The following SYNE3 variants were observed in gnomAD, a reference collection of about 807,000 sequenced individuals.
The protein encoded by SYNE3 is spectrin repeat containing nuclear envelope family member 3.
In SYNE3, 100 loss-of-function variants were observed where a neutral mutation model predicts 111.2. That is an observed-to-expected ratio of 0.90 (90% CI 0.77 to 1.06). The LOEUF is 1.06. Ranked by LOEUF, SYNE3 falls within the 50% of genes least tolerant of loss-of-function variation. SYNE3 has a pLI of 0.00. For missense variants in SYNE3, 1,160 were observed against 1,240.3 expected (o/e 0.94, Z 0.97); for synonymous variants, 547 against 533.9 (o/e 1.02, Z -0.34).
chr14:95,480,878 C>A (rs565992052), intron 1 of SYNE3, among the ~76,000 whole-genome samples: 1 of 152,236 alleles, frequency 6.6e-6, no homozygotes, highest in African/African-American at 2.4e-5. Context: ...CCTGGCATCC[C>A]GGTCTGAAAG....
At position 95,450,072 on chromosome 14, in the gene SYNE3, G is replaced by A. The variant is rs1303666861; in HGVS notation, c.1308C>T (p.Ala436=). 9 of 1,574,238 alleles carry A rather than the reference G, an allele frequency of 5.7e-6. No individual in the cohort carries two copies. The highest frequency in any genetic ancestry group is 5.5e-5 in the Admixed American group (3 of 54,880). ...AATGCTGCCACAGCTCCACCGCCGC[G>A]GCATTGCGCAGCCTCGCGCTCTTCA... ...LKVKSARLRN[A]AAVELWQHFQ... The change falls in exon 8 of 18, where the codon GCC becomes GCT. Residue 436 remains alanine, a synonymous_variant. Transcript: ENST00000682763.
At chr14:95,472,738 A>G (rs965509439) in intron 2 of SYNE3, among the ~76,000 whole-genome samples, 5 of 152,138 alleles carry the variant, frequency 3.3e-5, no homozygotes, top group African/African-American at 7.2e-5. Context: ...CTCTCAACCC[A>G]GGAGCGATGG....
intron 2 of SYNE3, among the ~76,000 whole-genome samples, chr14:95,471,937 T>C (rs1888556062): frequency 6.6e-6 from 1 of 152,160 alleles, no homozygotes; most frequent in Non-Finnish European, 1.5e-5. Flanking sequence ...CAAGACCAGG[T>C]GACCCCCAGC....
chr14:95,436,666 T>C (rs1224393915), intron 15 of SYNE3, among the ~76,000 whole-genome samples, 154 bp downstream of exon 15: 2 of 152,148 alleles, frequency 1.3e-5, no homozygotes, highest in Non-Finnish European at 2.9e-5. Flanking sequence ...TTCTAAAATC[T>C]TTGAACCAAA....
intron 17 of SYNE3, among the ~76,000 whole-genome samples, 189 bp from the exon 18 acceptor site, chr14:95,418,215 T>A (rs540469515): frequency 3.5e-4 from 54 of 152,270 alleles, no homozygotes; most frequent in African/African-American, 1.2e-3. Context: ...TTTCTGCAGT[T>A]TTCCCAAAGC....
chr14:95,503,275 C>T (rs1016867400), intron 1 of SYNE3, among the ~76,000 whole-genome samples: 1 of 152,234 alleles, frequency 6.6e-6, no homozygotes, highest in Admixed American at 6.5e-5. Flanking sequence ...GCATTGCCAT[C>T]CACCCCTTTG....
chr14:95,504,422 G>A (rs17092600), intron 1 of SYNE3, among the ~76,000 whole-genome samples: 6,540 of 152,314 alleles, frequency 0.043, 346 homozygotes, highest in Admixed American at 0.15. Context: ...TCAGCAAACT[G>A]TGACACAATC....
chr14:95,439,249 C>T (rs764929623), intron 13 of SYNE3, 87 bp from the exon 14 acceptor site: 42 of 1,579,722 alleles, frequency 2.7e-5, no homozygotes, highest in African/African-American at 8.1e-5. Context: ...TGGGGAACCA[C>T]GGGTCACGAG....
At chr14:95,506,466 C>A (rs1241408874) in intron 1 of SYNE3, among the ~76,000 whole-genome samples, 3 of 152,238 alleles carry the variant, frequency 2.0e-5, no homozygotes, top group African/African-American at 7.2e-5. Flanking sequence ...TCGACTCTGG[C>A]CCATCATGCC....
chr14:95,482,968 G>T (rs531286249), intron 1 of SYNE3, among the ~76,000 whole-genome samples: 1 of 152,116 alleles, frequency 6.6e-6, no homozygotes, highest in African/African-American at 2.4e-5. Flanking sequence ...AAATCCCCTG[G>T]TGCCACACAG....
At chr14:95,418,051 G>A (rs1013644157) in intron 17 of SYNE3, 25 bp from the exon 18 acceptor site, 1 of 1,603,722 alleles carries the variant, frequency 6.2e-7, no homozygotes, top group Non-Finnish European at 8.5e-7. Flanking sequence ...CAGCACAGGT[G>A]AGTGGGCTGG....
In SYNE3 at chr14:95,443,206, G is replaced by A. The variant is rs539126470; in HGVS notation, c.1860C>T (p.His620=). ...PLVQENPNHQ[H]KMDQLSSDFQ... ...AGTCGGAGGAAAGCTGGTCCATTTT[G>A]TGCTGGTGGTTGGGGTTCTCCTGGA... Residue 620 remains histidine (H), a synonymous_variant, in exon 11 of 18, where the codon CAC becomes CAT. Coordinates refer to ENST00000682763, the MANE Select transcript of SYNE3 (RefSeq NM_152592.6). The A allele has an allele frequency of 1.9e-6, 3 of 1,614,168 alleles. No homozygotes were observed. The highest frequency in any genetic ancestry group is 2.5e-6 in the Non-Finnish European group (3 of 1,180,014).
chr14:95,476,174 G>A (rs575292001), intron 1 of SYNE3, among the ~76,000 whole-genome samples: 8 of 152,336 alleles, frequency 5.3e-5, no homozygotes, highest in East Asian at 1.9e-4. Flanking sequence ...AAAAGAGGAC[G>A]TCAAAACCTG....
chr14:95,415,384 G>C lies in SYNE3; in HGVS notation c.*2442C>G, dbSNP rs893711607. The C allele has an allele frequency of 6.6e-6, 1 of 151,626 alleles. No homozygotes were observed. 9.4% of individuals were successfully genotyped at this position (151,626 alleles called of 1,614,324 possible). A position where few individuals can be genotyped will look rare whatever the true frequency, so the allele number is the denominator to read the frequency against. ...TGATTTTCCAGTAAGGTGGTCGCCT[G>C]CAGAGAACGGCCCTATGGCTTGGTT... On this transcript the variant is annotated 3_prime_UTR_variant, in exon 18 of 18. Coordinates refer to ENST00000682763, the MANE Select transcript of SYNE3 (RefSeq NM_152592.6).
intron 1 of SYNE3, among the ~76,000 whole-genome samples, chr14:95,495,265 C>G (rs970936217): frequency 6.6e-6 from 1 of 152,210 alleles, no homozygotes. Flanking sequence ...CCAGTCTGTC[C>G]TTACAGTCCT....
chr14:95,465,993 C>T lies in SYNE3; in HGVS notation c.565G>A (p.Val189Met), dbSNP rs201214269. ...SLFNRIGDPSVDEDAQKRMKA... is the reference protein window; with the variant it reads ...SLFNRIGDPSMDEDAQKRMKA... ...ATTCTCTTCTGGGCATCTTCGTCCA[C>T]GCTGGGGTCCCCGATCCTGTTGAAC... Residue 189 changes from valine (V) to methionine (M), a missense_variant, in exon 4 of 18, where the codon GTG becomes ATG. Physicochemically the swap from Val to Met is conservative, Grantham distance 21. Transcript: ENST00000682763. The T allele has an allele frequency of 2.8e-5, 45 of 1,608,720 alleles. No individual in the cohort carries two copies. Among genetic ancestry groups the T allele is most frequent in the Admixed American group, 6.7e-5 (4 of 59,898 alleles).
rs1322613166 is a variant in SYNE3, at chr14:95,466,137, C to T, written c.421G>A (p.Glu141Lys). The T allele has an allele frequency of 3.1e-6, 5 of 1,612,034 alleles. No individual in the cohort carries two copies. Among genetic ancestry groups the T allele is most frequent in the Non-Finnish European group, 4.2e-6 (5 of 1,178,470 alleles). Residue 141 changes from glutamate (E) to lysine (K), a missense_variant, in exon 4 of 18, where the codon GAG becomes AAG. By Grantham distance (56) the Glu-to-Lys change is moderately conservative (BLOSUM62 1). Transcript: ENST00000682763. ...TTCTCCTTCAGGCCCAGCTGGAGCT[C>T]GATGTGGGGCTCCAGTGTGACCATC... ...KMMVTLEPHIELQLGLKEKQW... is the reference protein window; with the variant it reads ...KMMVTLEPHIKLQLGLKEKQW...
Position 95,466,145 on chromosome 14 carries a change from G to C in SYNE3, c.413C>G (p.Pro138Arg), listed in dbSNP as rs551210062. The C allele has an allele frequency of 6.2e-7, 1 of 1,610,506 alleles. No individual in the cohort carries two copies. The highest frequency in any genetic ancestry group is 8.5e-7 in the Non-Finnish European group (1 of 1,177,234). Residue 138 changes from proline (P) to arginine (R), a missense_variant, in exon 4 of 18, where the codon CCC becomes CGC. Pro to Arg is a moderately radical substitution (Grantham distance 103). Transcript: ENST00000682763. ...WFQKMMVTLE[P>R]HIELQLGLKE... ...CAGGCCCAGCTGGAGCTCGATGTGG[G>C]GCTCCAGTGTGACCATCATCTTCTG...
chr14:95,434,765 C>G (rs542436384), intron 15 of SYNE3, among the ~76,000 whole-genome samples: 1 of 152,292 alleles, frequency 6.6e-6, no homozygotes, highest in East Asian at 1.9e-4. Context: ...TCAAGCAATT[C>G]TCCTGCCTTA....
Sources: allele counts gnomAD v4.1 joint callset (sites outside exome capture counted in the v4.1 genomes callset), GRCh38; gene constraint gnomAD v4.1.1; transcripts MANE v1.5; gene names NCBI Gene and HGNC (gene_info 2026-07-23, HGNC 2026-07-21).